Variants in NDST4 observed in about 807,000 individuals in gnomAD.
The protein encoded by NDST4 is N-heparan sulfate sulfotransferase 4.
In NDST4, 63 loss-of-function variants were observed where a neutral mutation model predicts 100.8. The ratio of observed to expected loss-of-function variants is 0.62; its 90% CI spans 0.51 to 0.77. The LOEUF is 0.77. NDST4 is among the 30% of genes least tolerant of loss of function. The pLI, the probability that NDST4 is intolerant of heterozygous loss-of-function variation, is 0.00. For missense variants in NDST4, 943 were observed against 1,018.4 expected (o/e 0.93, Z 1.01); for synonymous variants, 377 against 361.8 (o/e 1.04, Z -0.48).
rs769385105 is a variant in NDST4, at chr4:114,852,841, G to A, written c.1720-20C>T. 1 of 1,535,228 alleles carries A rather than the reference G, an allele frequency of 6.5e-7. No homozygotes were observed. ...TGGATTCTGCAAGAAGGAAGAATAA[G>A]TAACCTCACAGTGTAATGACTGTCT... On this transcript the variant is annotated intron_variant, in intron 7 of 13. Transcript: ENST00000264363.
intron 4 of NDST4, among the ~76,000 whole-genome samples, chr4:114,939,790 A>G (rs1725709456): frequency 1.3e-5 from 2 of 152,196 alleles, no homozygotes; most frequent in South Asian, 2.1e-4. Flanking sequence ...TATACTGTTC[A>G]TAAGGTCATC....
chr4:115,065,743 C>T (rs1468783828), intron 2 of NDST4, among the ~76,000 whole-genome samples: 1 of 152,068 alleles, frequency 6.6e-6, no homozygotes. Context: ...CAGTGGTATC[C>T]TATTTTCAAC....
chr4:115,065,947 C>A (rs918571574), intron 2 of NDST4, among the ~76,000 whole-genome samples: 2 of 152,142 alleles, frequency 1.3e-5, no homozygotes, highest in African/African-American at 4.8e-5. Flanking sequence ...GAATACACTG[C>A]CCAGCTAGCT....
intron 4 of NDST4, among the ~76,000 whole-genome samples, chr4:114,964,255 AC>A (rs2126237622): frequency 6.6e-6 from 1 of 152,224 alleles, no homozygotes; most frequent in Non-Finnish European, 1.5e-5. Flanking sequence ...CTTGCCAATA[AC>A]CATGTGAGCT....
At position 114,973,798 on chromosome 4, in the gene NDST4, T is replaced by A. The variant is rs201657119; in HGVS notation, c.1067-3214A>T. 2.6e-5 allele frequency among the ~76,000 whole-genome samples: 4 copies of A among 151,838 alleles called. No homozygotes were observed. In the East Asian group the frequency reaches 7.7e-4, roughly 29 times the overall value. On this transcript the variant is annotated intron_variant, in intron 3 of 13. Transcript: ENST00000264363. ...CTTTTGTAAAAATTTCTACCTTATATTTGTGTAATTTGTATAAAATATAAT... is the reference window on the plus strand; with the variant it reads ...CTTTTGTAAAAATTTCTACCTTATAATTGTGTAATTTGTATAAAATATAAT...
chr4:115,042,451 A>G (rs79437382), intron 2 of NDST4, among the ~76,000 whole-genome samples: 2,199 of 152,224 alleles, frequency 0.014, 62 homozygotes, highest in African/African-American at 0.05. Flanking sequence ...ATCTCCCGTA[A>G]TCACAAGATG....
intron 6 of NDST4, among the ~76,000 whole-genome samples, chr4:114,898,007 A>G (rs1006614049): frequency 4.6e-5 from 7 of 152,158 alleles, no homozygotes; most frequent in African/African-American, 1.7e-4. Flanking sequence ...TCTGTGGCTC[A>G]TCTTCTCATT....
rs191994922 is a variant in NDST4, at chr4:114,869,079, A to G, written c.1719+1689T>C. The stretch of plus-strand genomic sequence containing the variant: ...CAGCACTGTATTCTATATTTAACAA[A>G]CATTCAATCAATACTTAGAATCATC... On this transcript the variant is annotated intron_variant, in intron 7 of 13. Transcript: ENST00000264363. Among the ~76,000 whole-genome samples, 351 of 151,506 alleles carry G rather than the reference A, an allele frequency of 2.3e-3. 4 individuals are homozygous for G. Among genetic ancestry groups the G allele is most frequent in the Admixed American group, 0.022 (327 of 15,160 alleles).
chr4:114,916,588 GTGTA>G (rs1263582112), intron 6 of NDST4, among the ~76,000 whole-genome samples: 50 of 148,310 alleles, frequency 3.4e-4, no homozygotes, highest in African/African-American at 1.2e-3. Context: ...GTGTGTTTGT[GTGTA>G]TGTGTGTGTG....
chr4:114,924,662 T>C (rs1033264119), intron 6 of NDST4, among the ~76,000 whole-genome samples: 1 of 152,068 alleles, frequency 6.6e-6, no homozygotes, highest in Admixed American at 6.5e-5. Flanking sequence ...CAAGTTAATT[T>C]CTATAAAAAT....
In NDST4 at chr4:114,990,969, T is replaced by C. The variant is rs1168903438; in HGVS notation, c.979-13695A>G. Reference sequence around the variant, plus strand: ...TTGCTCTAAGGCCTGAACACTAACCTCATTTTAATGAGTTCATTATTTGCT... The same window carrying C: ...TTGCTCTAAGGCCTGAACACTAACCCCATTTTAATGAGTTCATTATTTGCT... On this transcript the variant is annotated intron_variant, in intron 2 of 13. Transcript: ENST00000264363. 3.3e-5 allele frequency among the ~76,000 whole-genome samples: 5 copies of C among 152,054 alleles called. 1 individual carries two copies. Among genetic ancestry groups the C allele is most frequent in the Admixed American group, 3.3e-4 (5 of 15,250 alleles).
chr4:115,048,205 C>T (rs1304545658), intron 2 of NDST4, among the ~76,000 whole-genome samples: 1 of 151,652 alleles, frequency 6.6e-6, no homozygotes, highest in South Asian at 2.1e-4. Flanking sequence ...GATAGCCATG[C>T]AGACTTTTTA....
intron 2 of NDST4, among the ~76,000 whole-genome samples, chr4:115,069,644 C>T (rs565356372): frequency 6.6e-6 from 1 of 152,180 alleles, no homozygotes; most frequent in South Asian, 2.1e-4. Context: ...GCCTGTAATC[C>T]CAGTACTTTG....
At chr4:115,020,127 C>T (rs756933972) in intron 2 of NDST4, among the ~76,000 whole-genome samples, 3 of 152,198 alleles carry the variant, frequency 2.0e-5, no homozygotes, top group Admixed American at 6.5e-5. Flanking sequence ...ATTAATGCAG[C>T]ATTAAGTGCA....
At position 114,828,164 on chromosome 4, in the gene NDST4, T is replaced by C. The variant is rs149803538; in HGVS notation, c.2500-229A>G. Among the ~76,000 whole-genome samples the C allele has an allele frequency of 9.7e-3, 1,482 of 152,238 alleles. 11 individuals carry two copies. Among genetic ancestry groups the C allele is most frequent in the Non-Finnish European group, 0.017 (1,139 of 67,998 alleles). On this transcript the variant is annotated intron_variant, in intron 13 of 13. Coordinates refer to ENST00000264363, the MANE Select transcript of NDST4 (RefSeq NM_022569.3). ...AAGTATATCCTATATGGCGTATCTG[T>C]CATTACGGCACATATTTATTGTGGG...
intron 12 of NDST4, among the ~76,000 whole-genome samples, chr4:114,832,137 C>T (rs543559407): frequency 3.9e-5 from 6 of 152,256 alleles, no homozygotes; most frequent in East Asian, 1.9e-4. Context: ...ACCTCAACTA[C>T]GGCTGAGAGG....
intron 1 of NDST4, among the ~76,000 whole-genome samples, chr4:115,104,182 T>A (rs887584722): frequency 6.6e-6 from 1 of 152,184 alleles, no homozygotes; most frequent in Non-Finnish European, 1.5e-5. Flanking sequence ...TTAAAATTTA[T>A]CAGCACATTT....
At chr4:115,056,123 G>A (rs544038334) in intron 2 of NDST4, among the ~76,000 whole-genome samples, 9 of 152,160 alleles carry the variant, frequency 5.9e-5, no homozygotes, top group East Asian at 3.9e-4. Flanking sequence ...AGGTCAAGGC[G>A]AGTAGAGGGC....
chr4:114,874,596 C>T (rs1255655221), intron 6 of NDST4, among the ~76,000 whole-genome samples: 1 of 152,160 alleles, frequency 6.6e-6, no homozygotes, highest in Non-Finnish European at 1.5e-5. Flanking sequence ...GCAAGCACAG[C>T]TTAACTGTGC....
Sources: allele counts gnomAD v4.1 joint callset (sites outside exome capture counted in the v4.1 genomes callset), GRCh38; gene constraint gnomAD v4.1.1; transcripts MANE v1.5; gene names NCBI Gene and HGNC (gene_info 2026-07-23, HGNC 2026-07-21).